Variants in CEP152 observed in about 807,000 individuals in gnomAD.
CEP152 encodes centrosomal protein 152, also known as centrosomal protein of 152 kDa.
A neutral mutation model predicts 188.9 loss-of-function variants in CEP152; 132 were observed. That is an observed-to-expected ratio of 0.70 (90% CI 0.61 to 0.81). The LOEUF (loss-of-function observed/expected upper bound fraction) is 0.81, where lower values mean the gene tolerates loss of function less well. CEP152 is among the 30% of genes least tolerant of loss of function. The pLI, the probability that CEP152 is intolerant of heterozygous loss-of-function variation, is 0.00. For missense variants in CEP152, 1,914 were observed against 1,969.8 expected (o/e 0.97, Z 0.54); for synonymous variants, 649 against 666.6 (o/e 0.97, Z 0.41).
intron 9 of CEP152, among the ~76,000 whole-genome samples, chr15:48,787,163 G>GTTTTTGGTT (rs1555425524): frequency 9.9e-6 from 1 of 101,500 alleles, no homozygotes; most frequent in South Asian, 3.5e-4. Flanking sequence ...TATAGCCTTC[G>GTTTTTGGTT]TTTTTTTTTT....
At chr15:48,744,208 G>A (rs773101235) in intron 24 of CEP152, 32 bp downstream of exon 24, 1 of 1,611,328 alleles carries the variant, frequency 6.2e-7, no homozygotes, top group Non-Finnish European at 8.5e-7. Flanking sequence ...AAAGGCCCAA[G>A]CCATCCTTAA....
At chr15:48,741,384 G>A (rs987749421) in intron 26 of CEP152, 9 of 1,387,832 alleles carry the variant, frequency 6.5e-6, no homozygotes, top group Non-Finnish European at 6.5e-6. Context: ...TTCGAGGGAT[G>A]GAAGCAGCAA....
At chr15:48,740,923 G>C in intron 26 of CEP152, 1 of 617,492 alleles carries the variant, frequency 1.6e-6, no homozygotes, top group Non-Finnish European at 2.0e-6. Context: ...TGTTGGTTTA[G>C]AACACCAACT....
intron 26 of CEP152, chr15:48,741,276 T>A: frequency 8.5e-7 from 1 of 1,177,716 alleles, no homozygotes; most frequent in Non-Finnish European, 1.1e-6. Context: ...ATTACAGGTG[T>A]GAGCCATGAT....
intron 2 of CEP152, among the ~76,000 whole-genome samples, chr15:48,803,547 A>G (rs1897804887): frequency 6.6e-6 from 1 of 152,224 alleles, no homozygotes; most frequent in Admixed American, 6.5e-5. Flanking sequence ...AAATTTAACC[A>G]TAATCATCAT....
chr15:48,749,586 A>G (rs1169868993), intron 21 of CEP152, among the ~76,000 whole-genome samples: 3 of 152,122 alleles, frequency 2.0e-5, no homozygotes, highest in Non-Finnish European at 4.4e-5. Context: ...ATGTAACAAC[A>G]TATCACCCCT....
In CEP152 at chr15:48,759,820, A is replaced by C. The variant is rs372507581; in HGVS notation, c.2694+315T>G. ...AACACAACAGAGAAAACAATCTTTA[A>C]GCATGTGAAAGGATACTGTATAGCT... On this transcript the variant is annotated intron_variant, in intron 19 of 26. Coordinates refer to ENST00000380950, the MANE Select transcript of CEP152 (RefSeq NM_001194998.2). 4.4e-4 allele frequency among the ~76,000 whole-genome samples: 67 copies of C among 152,360 alleles called. 1 individual carries two copies. In the South Asian group the frequency reaches 0.013, roughly 29 times the overall value.
At chr15:48,751,945 C>T (rs1893904535) in intron 21 of CEP152, among the ~76,000 whole-genome samples, 1 of 152,166 alleles carries the variant, frequency 6.6e-6, no homozygotes. Context: ...GAAAAACTCA[C>T]AAATCAATTA....
chr15:48,784,649 A>T (rs1210397428), intron 9 of CEP152, among the ~76,000 whole-genome samples: 2 of 152,100 alleles, frequency 1.3e-5, no homozygotes, highest in Non-Finnish European at 2.9e-5. Context: ...TTTAAACTTG[A>T]TCTGTTTCTT....
chr15:48,742,739 C>G (rs569039353), intron 24 of CEP152, among the ~76,000 whole-genome samples: 3 of 151,864 alleles, frequency 2.0e-5, no homozygotes, highest in African/African-American at 2.4e-5. Context: ...ACATAGCCCA[C>G]AGCTTTCAAG....
At chr15:48,733,508 A>G (rs887049962), downstream of CEP152, among the ~76,000 whole-genome samples, 1 of 152,194 alleles carries the variant, frequency 6.6e-6, no homozygotes, top group African/African-American at 2.4e-5. Flanking sequence ...TTAAAGAAGA[A>G]TGCACAGTGC....
At chr15:48,753,053 G>A (rs1893991628) in intron 20 of CEP152, among the ~76,000 whole-genome samples, 1 of 152,194 alleles carries the variant, frequency 6.6e-6, no homozygotes. Flanking sequence ...TCTTGCACAA[G>A]ACCATTTCTT....
At chr15:48,747,780 C>A (rs1477232865) in intron 22 of CEP152, among the ~76,000 whole-genome samples, 1 of 152,162 alleles carries the variant, frequency 6.6e-6, no homozygotes, top group East Asian at 1.9e-4. Flanking sequence ...GAGCAGCGAT[C>A]TAAGCCCCAA....
Position 48,756,086 on chromosome 15 carries a change from T to C in CEP152, c.3162A>G (p.Leu1054=). 1 of 1,614,128 alleles carries C rather than the reference T, an allele frequency of 6.2e-7. No homozygotes were observed. The highest frequency in any genetic ancestry group is 2.2e-5 in the East Asian group (1 of 44,878). ...EDILTVLGVL[L]SDTQKEHISD... is the part of the protein sequence containing the mutation. ...TGATGTGCTCCTTTTGGGTATCACT[T>C]AAAAGAACCCCAAGTACAGTCAGGA... Residue 1054 remains leucine (L), a synonymous_variant, in exon 20 of 27, where the codon TTA becomes TTG. Coordinates refer to ENST00000380950, the MANE Select transcript of CEP152 (RefSeq NM_001194998.2).
rs113147835 is a variant in CEP152 at position 48,793,065 on chromosome 15, G to A, written c.832+256C>T. On this transcript the variant is annotated intron_variant, in intron 7 of 26. Transcript: ENST00000380950. Reference sequence around the variant, plus strand: ...TTGAACTCCTGATCTCAAGTGATCCGCCCACCTCAGCCTCCCAAAGTGCTG... The same window carrying A: ...TTGAACTCCTGATCTCAAGTGATCCACCCACCTCAGCCTCCCAAAGTGCTG... Among the ~76,000 whole-genome samples the A allele has an allele frequency of 3.9e-5, 6 of 151,934 alleles. No individual in the cohort carries two copies. The East Asian group carries it at 1.2e-3, about 29-fold the overall frequency.
chr15:48,744,469 A>C (rs1893260259), intron 23 of CEP152, 126 bp from the exon 24 acceptor site: 1 of 1,482,346 alleles, frequency 6.7e-7, no homozygotes, highest in Non-Finnish European at 9.2e-7. Flanking sequence ...CATCTAGAAC[A>C]ATCTCCACTA....
chr15:48,785,288 A>G (rs1011921465), intron 9 of CEP152, among the ~76,000 whole-genome samples: 3 of 152,220 alleles, frequency 2.0e-5, no homozygotes, highest in Non-Finnish European at 4.4e-5. Flanking sequence ...ATTCTATTTC[A>G]TAATGAAGCT....
chr15:48,798,083 C>G, intron 2 of CEP152, 32 bp from the exon 3 acceptor site: 1 of 1,567,316 alleles, frequency 6.4e-7, no homozygotes, highest in East Asian at 2.2e-5. Context: ...AATATCATAC[C>G]AACTTAAACA....
At chr15:48,739,960 T>C (rs1892837486) in intron 26 of CEP152, among the ~76,000 whole-genome samples, 1 of 152,174 alleles carries the variant, frequency 6.6e-6, no homozygotes, top group South Asian at 2.1e-4. Flanking sequence ...CCAAAATTTA[T>C]ACAAATAATC....
Sources: gnomAD v4.1 joint callset for allele counts (sites outside exome capture counted in the v4.1 genomes callset) on GRCh38, gnomAD v4.1.1 for gene constraint, MANE v1.5 for transcripts, NCBI Gene and HGNC (gene_info 2026-07-23, HGNC 2026-07-21) for gene names.